Variants in MARCHF1 observed in about 807,000 individuals in gnomAD.
MARCHF1 encodes the protein E3 ubiquitin-protein ligase MARCHF1.
MARCHF1 carries 40 observed loss-of-function variants against 54.2 expected under a neutral mutation model. The observed-to-expected ratio is 0.74, with a 90% CI of 0.57 to 0.96. The LOEUF is 0.96. Ranked by LOEUF, MARCHF1 falls within the 40% of genes least tolerant of loss-of-function variation. The probability of loss-of-function intolerance (pLI) is 0.00; values close to 1 mark genes in which losing one functional copy is unlikely to be tolerated. For missense variants in MARCHF1, 586 were observed against 656.5 expected (o/e 0.89, Z 1.17); for synonymous variants, 236 against 236.3 (o/e 1.00, Z 0.01).
intron 1 of MARCHF1, among the ~76,000 whole-genome samples, chr4:164,181,141 A>G (rs1730823212): frequency 6.6e-6 from 1 of 152,058 alleles, no homozygotes; most frequent in South Asian, 2.1e-4. Flanking sequence ...TAGCCACCTA[A>G]GCCTTCTTTA....
At chr4:164,287,399 T>G (rs1049214908) in intron 1 of MARCHF1, among the ~76,000 whole-genome samples, 3 of 152,166 alleles carry the variant, frequency 2.0e-5, no homozygotes, top group Admixed American at 2.0e-4. Context: ...GCAATACAGT[T>G]TAAAACAGTT....
intron 2 of MARCHF1, among the ~76,000 whole-genome samples, chr4:164,023,547 A>G (rs768401522): frequency 5.3e-5 from 8 of 152,212 alleles, no homozygotes; most frequent in Non-Finnish European, 1.0e-4. Context: ...TCCTAGACAG[A>G]GGGCTGGCCC....
At chr4:164,228,536 G>A (rs1007980515) in intron 1 of MARCHF1, among the ~76,000 whole-genome samples, 8 of 152,110 alleles carry the variant, frequency 5.3e-5, no homozygotes, top group South Asian at 2.1e-4. Context: ...ATGGTCAAAC[G>A]TATAATGTTG....
intron 1 of MARCHF1, among the ~76,000 whole-genome samples, chr4:164,382,447 C>T (rs371407208): frequency 5.9e-5 from 9 of 152,030 alleles, no homozygotes; most frequent in Non-Finnish European, 1.2e-4. Flanking sequence ...AACTGGTATA[C>T]CAAGAATCTC....
chr4:164,111,876 C>A (rs772237760), intron 1 of MARCHF1, among the ~76,000 whole-genome samples: 5 of 151,678 alleles, frequency 3.3e-5, no homozygotes, highest in Admixed American at 6.6e-5. Flanking sequence ...TGCAAAATAT[C>A]TACATATTTC....
chr4:163,914,744 A>G (rs1409330613), intron 3 of MARCHF1, among the ~76,000 whole-genome samples: 1 of 152,186 alleles, frequency 6.6e-6, no homozygotes, highest in Admixed American at 6.5e-5. Context: ...ATAAGTGTCT[A>G]AAGCTCACGT....
At chr4:163,616,312 A>C (rs557510545) in intron 5 of MARCHF1, among the ~76,000 whole-genome samples, 6 of 152,256 alleles carry the variant, frequency 3.9e-5, no homozygotes, top group Non-Finnish European at 7.4e-5. Flanking sequence ...CGTAGTGAAG[A>C]GACAGTCTGT....
At chr4:164,194,292 A>G (rs1731195853) in intron 1 of MARCHF1, among the ~76,000 whole-genome samples, 1 of 152,190 alleles carries the variant, frequency 6.6e-6, no homozygotes, top group African/African-American at 2.4e-5. Context: ...TAAACTTTAA[A>G]GCCACAGCAG....
At chr4:163,588,343 A>G (rs1740477379) in intron 7 of MARCHF1, among the ~76,000 whole-genome samples, 1 of 152,218 alleles carries the variant, frequency 6.6e-6, no homozygotes, top group Non-Finnish European at 1.5e-5. Flanking sequence ...GACTTGTTAC[A>G]CTTTGTGTCA....
chr4:163,679,845 C>T (rs1008240452), intron 5 of MARCHF1, among the ~76,000 whole-genome samples: 2 of 152,080 alleles, frequency 1.3e-5, no homozygotes, highest in African/African-American at 2.4e-5. Flanking sequence ...CGTGATCCGC[C>T]CGCCTCGGCC....
chr4:164,323,239 A>C (rs1427485933), intron 1 of MARCHF1, among the ~76,000 whole-genome samples: 1 of 151,826 alleles, frequency 6.6e-6, no homozygotes, highest in East Asian at 1.9e-4. Context: ...TTTCAAATTA[A>C]TAAACATACT....
intron 1 of MARCHF1, among the ~76,000 whole-genome samples, chr4:164,205,398 A>G (rs1025742891): frequency 2.6e-5 from 4 of 152,166 alleles, no homozygotes; most frequent in Non-Finnish European, 4.4e-5. Flanking sequence ...AGTTGCCCAG[A>G]GTCATATAGT....
intron 3 of MARCHF1, among the ~76,000 whole-genome samples, chr4:163,910,619 T>C (rs1751169072): frequency 1.3e-5 from 2 of 152,106 alleles, no homozygotes; most frequent in South Asian, 2.1e-4. Flanking sequence ...CTCAGCCTCA[T>C]GAGTAGCTGG....
chr4:163,792,873 TG>T (rs1747808451), intron 4 of MARCHF1, among the ~76,000 whole-genome samples: 1 of 152,200 alleles, frequency 6.6e-6, no homozygotes, highest in African/African-American at 2.4e-5. Context: ...AACACTGGCC[TG>T]GGAACCAGGG....
chr4:163,810,255 C>T (rs1263814127), intron 4 of MARCHF1, among the ~76,000 whole-genome samples: 1 of 152,156 alleles, frequency 6.6e-6, no homozygotes, highest in Non-Finnish European at 1.5e-5. Context: ...GATTTAAGTT[C>T]TTTAGCAATG....
At chr4:163,812,876 CTA>C (rs948283701) in intron 4 of MARCHF1, among the ~76,000 whole-genome samples, 2 of 152,136 alleles carry the variant, frequency 1.3e-5, no homozygotes, top group African/African-American at 4.8e-5. Context: ...TGATAATTAA[CTA>C]TAGACTGTAT....
chr4:164,160,115 T>C (rs149597304), intron 1 of MARCHF1, among the ~76,000 whole-genome samples: 279 of 152,302 alleles, frequency 1.8e-3, no homozygotes, highest in Non-Finnish European at 3.2e-3. Flanking sequence ...ATGGATAAAG[T>C]ATAATGGTTT....
chr4:164,367,219 C>T (rs1730903264), intron 1 of MARCHF1, among the ~76,000 whole-genome samples: 1 of 151,978 alleles, frequency 6.6e-6, no homozygotes, highest in Admixed American at 6.6e-5. Flanking sequence ...CTGGCACTTC[C>T]AGAAAAAATA....
chr4:164,251,476 G>T (rs1733122278), intron 1 of MARCHF1, among the ~76,000 whole-genome samples: 1 of 152,120 alleles, frequency 6.6e-6, no homozygotes, highest in Non-Finnish European at 1.5e-5. Context: ...CAGCCCCACA[G>T]ATGCCAAATT....
Sources: allele counts gnomAD v4.1 joint callset (sites outside exome capture counted in the v4.1 genomes callset), GRCh38; gene constraint gnomAD v4.1.1; transcripts MANE v1.5; gene names NCBI Gene and HGNC (gene_info 2026-07-23, HGNC 2026-07-21).